The following FGD3 variants were observed in gnomAD, a reference collection of about 807,000 sequenced individuals.
FGD3 encodes FYVE, RhoGEF and PH domain containing 3.
A neutral mutation model predicts 71.8 loss-of-function variants in FGD3; 45 were observed. The observed-to-expected ratio is 0.63, with a 90% confidence interval of 0.49 to 0.80. The LOEUF is 0.80. Among genes scored for constraint, FGD3 ranks in the 30% least tolerant of loss-of-function variants. The pLI is 0.00. For synonymous variants in FGD3, 378 were observed against 392.8 expected, an observed-to-expected ratio of 0.96 and a Z score of 0.44; for missense variants, 844 against 951.5, an observed-to-expected ratio of 0.89 and a Z score of 1.49.
At chr9:93,011,409 C>CCTGGGGATGGGGGTGGAAGG in intron 8 of FGD3, 137 bp downstream of exon 8, 1 of 1,044,734 alleles carries the variant, frequency 9.6e-7, no homozygotes, top group Non-Finnish European at 1.4e-6. Context: ...CTTCCACCCC[C>CCTGGGGATGGGGGTGGAAGG]ATCCCCAGGG....
intron 17 of FGD3, 58 bp downstream of exon 17, chr9:93,034,739 G>A: frequency 6.4e-7 from 1 of 1,562,134 alleles, no homozygotes; most frequent in South Asian, 1.2e-5. Context: ...TCAGGCCTGA[G>A]GCACCCACAG....
intron 5 of FGD3, 98 bp downstream of exon 5, chr9:93,004,235 A>C (rs984647784): frequency 3.1e-5 from 46 of 1,497,350 alleles, no homozygotes; most frequent in Non-Finnish European, 4.0e-5. Flanking sequence ...GGACTGTCTC[A>C]TGGTGGCTGG....
intron 5 of FGD3, among the ~76,000 whole-genome samples, chr9:93,005,406 T>A (rs528634390): frequency 1.3e-5 from 2 of 152,328 alleles, no homozygotes; most frequent in South Asian, 2.1e-4. Context: ...ATTACAGGCA[T>A]GAGCCACCAC....
intron 15 of FGD3, among the ~76,000 whole-genome samples, chr9:93,030,217 A>G (rs1862303805): frequency 6.6e-6 from 1 of 152,198 alleles, no homozygotes; most frequent in African/African-American, 2.4e-5. Context: ...GTGTTCAACA[A>G]ACACTACTTG....
intron 15 of FGD3, among the ~76,000 whole-genome samples, chr9:93,030,344 G>A (rs1862307273): frequency 6.6e-6 from 1 of 152,162 alleles, no homozygotes; most frequent in Admixed American, 6.5e-5. Context: ...GAAGGGTGTG[G>A]CTGTGCTGGA....
chr9:92,999,297 G>A (rs1400404790), intron 3 of FGD3, among the ~76,000 whole-genome samples: 1 of 152,178 alleles, frequency 6.6e-6, no homozygotes, highest in African/African-American at 2.4e-5. Flanking sequence ...ATCTCCTGGT[G>A]TGCCGTTTGC....
At position 93,003,515 on chromosome 9, in the gene FGD3, T is replaced by G. The variant is rs1471813085; in HGVS notation, c.544-486T>G. 2.0e-5 allele frequency among the ~76,000 whole-genome samples: 3 copies of G among 152,270 alleles called. No individual in the cohort carries two copies. Among genetic ancestry groups the G allele is most frequent in the Admixed American group, 6.5e-5 (1 of 15,288 alleles). ...CTGTGGGACATTTCTTCTTGGCAGC[T>G]GCATGATCTGAGCATGTAAATGGCT... On this transcript the variant is annotated intron_variant, in intron 4 of 17. Coordinates refer to ENST00000375482, the MANE Select transcript of FGD3 (RefSeq NM_001083536.2). The surrounding 1 kb of genome is among the most constrained non-coding windows in gnomAD (Gnocchi z 4.1).
intron 10 of FGD3, among the ~76,000 whole-genome samples, chr9:93,017,567 G>T (rs1053191092): frequency 3.0e-4 from 46 of 152,114 alleles, no homozygotes; most frequent in African/African-American, 1.1e-3. Flanking sequence ...GTCTTATCCT[G>T]ATGGAAGAGG....
intron 1 of FGD3, among the ~76,000 whole-genome samples, chr9:92,948,164 A>G (rs1858890240): frequency 6.6e-6 from 1 of 152,024 alleles, no homozygotes; most frequent in Non-Finnish European, 1.5e-5. Context: ...CTTGAAAAAA[A>G]GAACACATAT....
intron 14 of FGD3, among the ~76,000 whole-genome samples, chr9:93,027,303 GT>G (rs1332887243): frequency 6.6e-6 from 1 of 152,220 alleles, no homozygotes; most frequent in Non-Finnish European, 1.5e-5. Flanking sequence ...ACTGGTGTCA[GT>G]TTGTTGGGGC....
At chr9:93,012,272 A>G (rs1178625557) in intron 8 of FGD3, among the ~76,000 whole-genome samples, 1 of 152,216 alleles carries the variant, frequency 6.6e-6, no homozygotes, top group Non-Finnish European at 1.5e-5. Flanking sequence ...TTAATTATAC[A>G]AATCCAAGTC....
chr9:92,976,284 C>A lies in FGD3; in HGVS notation c.28C>A (p.Pro10Thr). 13 of 1,591,488 alleles carry A rather than the reference C, an allele frequency of 8.2e-6. No individual in the cohort carries two copies. Among genetic ancestry groups the A allele is most frequent in the Non-Finnish European group, 1.1e-5 (13 of 1,163,574 alleles). MESGRGSST[P>T]PGPIAALGMP... is the part of the protein sequence containing the mutation. ...GGAGTCAGGCAGGGGGTCCTCAACC[C>A]CTCCAGGACCCATTGCTGCCCTAGG... Residue 10 changes from proline (P) to threonine (T), a missense_variant, in exon 3 of 18, where the codon CCT becomes ACT. Pro to Thr is a conservative substitution (Grantham distance 38, BLOSUM62 -1). Transcript: ENST00000375482.
chr9:92,974,062 G>A (rs1488344921), intron 1 of FGD3, among the ~76,000 whole-genome samples: 3 of 152,236 alleles, frequency 2.0e-5, no homozygotes, highest in Non-Finnish European at 4.4e-5. Context: ...ACCGCTTGGT[G>A]TAGAGCCTTG....
chr9:92,969,818 A>C lies in FGD3; in HGVS notation c.-217-5420A>C, dbSNP rs544912272. On this transcript the variant is annotated intron_variant, in intron 1 of 17. Transcript: ENST00000375482. The surrounding 1 kb of genome is among the most constrained non-coding windows in gnomAD (Gnocchi z 4.5). ...AGGGACACGGGGCGGGGGCCAGAGC[A>C]CTTCATCCCCCTGCTCACTGGCTGC... 3.9e-4 allele frequency among the ~76,000 whole-genome samples: 60 copies of C among 152,286 alleles called. No homozygotes were observed. Among genetic ancestry groups the C allele is most frequent in the Admixed American group, 1.2e-3 (18 of 15,298 alleles).
rs553341372 is a variant in FGD3, at chr9:92,961,812, G to T, written c.-217-13426G>T. On this transcript the variant is annotated intron_variant, in intron 1 of 17. Transcript: ENST00000375482. ...TGGCCTGGGGCCTTAGTTCCTCTCC[G>T]CATGGGCCTCTCTGCAGGGCTGCTT... is the stretch of plus-strand genomic sequence containing the variant. Among the ~76,000 whole-genome samples, 29 of 152,266 alleles carry T rather than the reference G, an allele frequency of 1.9e-4. 2 individuals are homozygous for T. The highest frequency in any genetic ancestry group is 1.8e-3 in the Admixed American group (28 of 15,302).
chr9:92,955,027 C>T (rs1587808664), intron 1 of FGD3, among the ~76,000 whole-genome samples: 1 of 152,160 alleles, frequency 6.6e-6, no homozygotes, highest in Admixed American at 6.5e-5. Flanking sequence ...GAGGGAAGCT[C>T]TAAAGCTGGT....
chr9:93,029,439 G>A (rs554598574), intron 14 of FGD3, among the ~76,000 whole-genome samples: 3 of 152,192 alleles, frequency 2.0e-5, no homozygotes, highest in African/African-American at 7.2e-5. Context: ...GGCCCGCGGT[G>A]CCCAGTATAG....
chr9:93,032,682 C>T lies in FGD3; in HGVS notation c.1681-87C>T. The T allele has an allele frequency of 3.2e-6, 4 of 1,240,720 alleles. No individual in the cohort carries two copies. In the Admixed American group the frequency reaches 5.2e-5, roughly 16 times the overall value. The allele number at this position is 1,240,720 out of a possible 1,614,324, so 76.9% of individuals were successfully genotyped here. On this transcript the variant is annotated intron_variant, in intron 15 of 17. Coordinates refer to ENST00000375482, the MANE Select transcript of FGD3 (RefSeq NM_001083536.2). ...TTAAGTCTCCTCCCGCCCACTCCAC[C>T]TCCCGCCCACTCTACCTCCTCTGGC...
intron 13 of FGD3, 93 bp downstream of exon 13, chr9:93,020,517 C>A: frequency 1.9e-6 from 2 of 1,035,316 alleles, no homozygotes; most frequent in Non-Finnish European, 2.9e-6. Context: ...GCAGCTTGAC[C>A]TCCAGGCTTT....
Sources: gnomAD v4.1 joint callset for allele counts (sites outside exome capture counted in the v4.1 genomes callset) on GRCh38, gnomAD v4.1.1 for gene constraint, Gnocchi (gnomAD v3.1) non-coding constraint, MANE v1.5 for transcripts, NCBI Gene and HGNC (gene_info 2026-07-23, HGNC 2026-07-21) for gene names.